Variants in UNC5D observed in about 807,000 individuals in gnomAD.
The protein encoded by UNC5D is netrin receptor UNC5D.
Under a neutral mutation model 105.4 loss-of-function variants are expected in UNC5D, and 39 were observed. That is an observed-to-expected ratio of 0.37 (90% confidence interval 0.29 to 0.48). The LOEUF (loss-of-function observed/expected upper bound fraction) is 0.48. UNC5D is among the 20% of genes least tolerant of loss of function. The pLI is 0.98. For missense variants in UNC5D, 991 were observed against 1,202.4 expected (o/e 0.82, Z 2.60); for synonymous variants, 452 against 450.4 (o/e 1.00, Z -0.04).
chr8:35,667,140 G>A (rs1049138331), intron 4 of UNC5D, among the ~76,000 whole-genome samples: 8 of 151,936 alleles, frequency 5.3e-5, no homozygotes, highest in African/African-American at 1.9e-4. Flanking sequence ...ACATGTATTT[G>A]TTTAATGAAA....
rs766954143 is a variant in UNC5D at position 35,572,890 on chromosome 8, G to A, written c.466+4649G>A. ...GCGATCTGGGCTCACTGCAAGCTCC[G>A]CCTCCAGGGTTCACGCCATTCTCCT... On this transcript the variant is annotated intron_variant, in intron 3 of 16. Transcript: ENST00000404895. 4.6e-4 allele frequency among the ~76,000 whole-genome samples: 69 copies of A among 148,502 alleles called. 1 individual carries two copies. Among genetic ancestry groups the A allele is most frequent in the Non-Finnish European group, 1.5e-4 (10 of 67,580 alleles).
intron 8 of UNC5D, among the ~76,000 whole-genome samples, chr8:35,710,547 T>C (rs1195512681): frequency 6.6e-6 from 1 of 152,014 alleles, no homozygotes; most frequent in Non-Finnish European, 1.5e-5. Flanking sequence ...GCTGGTACCA[T>C]AAATTTGGGG....
At chr8:35,755,234 AT>A (rs1830461158) in intron 13 of UNC5D, among the ~76,000 whole-genome samples, 1 of 151,750 alleles carries the variant, frequency 6.6e-6, no homozygotes, top group African/African-American at 2.4e-5. Flanking sequence ...CTGTTACCCT[AT>A]CTATCTTATC....
At chr8:35,394,664 C>A (rs1291184829) in intron 1 of UNC5D, among the ~76,000 whole-genome samples, 1 of 150,900 alleles carries the variant, frequency 6.6e-6, no homozygotes, top group East Asian at 1.9e-4. Flanking sequence ...CTGTTTAAAG[C>A]AAATATGAAA....
chr8:35,248,885 ATTATATAAATATATAATATATTAT>A (rs1314875386), intron 1 of UNC5D, among the ~76,000 whole-genome samples: 1 of 94,234 alleles, frequency 1.1e-5, no homozygotes, highest in East Asian at 3.1e-4. Context: ...TATATAATAT[ATTATATAAATATATAATATATTAT>A]ATATAAACAT....
At chr8:35,593,742 G>A (rs1197198968) in intron 3 of UNC5D, among the ~76,000 whole-genome samples, 6 of 152,190 alleles carry the variant, frequency 3.9e-5, no homozygotes, top group African/African-American at 7.2e-5. Flanking sequence ...CAGCCTGGGC[G>A]GGAGCAAGGC....
chr8:35,715,168 AAAAG>A (rs1422263673), intron 8 of UNC5D, among the ~76,000 whole-genome samples: 1 of 152,244 alleles, frequency 6.6e-6, no homozygotes, highest in African/African-American at 2.4e-5. Flanking sequence ...ACAAACAAAA[AAAAG>A]AATGAAGTAG....
chr8:35,249,764 C>T (rs1372236031), intron 1 of UNC5D, among the ~76,000 whole-genome samples: 1 of 151,874 alleles, frequency 6.6e-6, no homozygotes, highest in Non-Finnish European at 1.5e-5. Context: ...CATGTTGAAG[C>T]CACCTTGCTG....
chr8:35,721,833 T>G (rs1432851215), intron 8 of UNC5D, among the ~76,000 whole-genome samples: 1 of 152,216 alleles, frequency 6.6e-6, no homozygotes, highest in Non-Finnish European at 1.5e-5. Flanking sequence ...TCACTGTGTG[T>G]GGGTCTGCCC....
intron 11 of UNC5D, among the ~76,000 whole-genome samples, chr8:35,731,399 CAAAAAAAAAAAAA>C (rs57529561): frequency 1.0e-3 from 32 of 30,650 alleles, no homozygotes; most frequent in South Asian, 2.4e-3. Flanking sequence ...ACTCTGTCTC[CAAAAAAAAAAAAA>C]AAAAAAAAAA....
At chr8:35,752,398 GA>G (rs1396418328) in intron 13 of UNC5D, among the ~76,000 whole-genome samples, 1 of 152,020 alleles carries the variant, frequency 6.6e-6, no homozygotes, top group Non-Finnish European at 1.5e-5. Flanking sequence ...TTTACCAGTA[GA>G]AAAAAATATC....
chr8:35,640,461 A>T (rs1387545492), intron 4 of UNC5D, among the ~76,000 whole-genome samples: 1 of 152,162 alleles, frequency 6.6e-6, no homozygotes, highest in African/African-American at 2.4e-5. Context: ...CTTTCTTGAT[A>T]TGATGTTACG....
chr8:35,333,087 C>A (rs948099565), intron 1 of UNC5D, among the ~76,000 whole-genome samples: 7 of 152,122 alleles, frequency 4.6e-5, no homozygotes, highest in Non-Finnish European at 7.4e-5. Flanking sequence ...GTGGTTCATG[C>A]CTGCAGTCCC....
At chr8:35,440,353 G>A (rs751004064) in intron 1 of UNC5D, among the ~76,000 whole-genome samples, 1 of 151,826 alleles carries the variant, frequency 6.6e-6, no homozygotes, top group Non-Finnish European at 1.5e-5. Flanking sequence ...AACTCAGCCC[G>A]GGTGTCTCGG....
chr8:35,651,949 G>A (rs1823432472), intron 4 of UNC5D, among the ~76,000 whole-genome samples: 3 of 152,034 alleles, frequency 2.0e-5, no homozygotes. Context: ...TGTACAAATG[G>A]TGCTTATCTT....
chr8:35,740,744 G>A (rs564434009), intron 11 of UNC5D, among the ~76,000 whole-genome samples: 19 of 152,232 alleles, frequency 1.2e-4, no homozygotes, highest in Non-Finnish European at 2.2e-4. Flanking sequence ...CCAACCATGA[G>A]TAACAGAGTA....
chr8:35,605,370 AC>A (rs1372502674), intron 4 of UNC5D, among the ~76,000 whole-genome samples: 1 of 152,178 alleles, frequency 6.6e-6, no homozygotes, highest in Non-Finnish European at 1.5e-5. Flanking sequence ...ATGTTGGTGA[AC>A]CGCAAATGCT....
chr8:35,425,465 C>T (rs577339827), intron 1 of UNC5D, among the ~76,000 whole-genome samples: 1 of 152,234 alleles, frequency 6.6e-6, no homozygotes, highest in East Asian at 1.9e-4. Flanking sequence ...CTCCGAGACC[C>T]CCACCCCGGT....
chr8:35,358,164 T>C (rs1008735234), intron 1 of UNC5D, among the ~76,000 whole-genome samples: 2 of 152,192 alleles, frequency 1.3e-5, no homozygotes, highest in African/African-American at 4.8e-5. Context: ...CCCAAAGGAA[T>C]ATAATTCATT....
Sources: gnomAD v4.1 joint callset for allele counts (sites outside exome capture counted in the v4.1 genomes callset) on GRCh38, gnomAD v4.1.1 for gene constraint, MANE v1.5 for transcripts, NCBI Gene and HGNC (gene_info 2026-07-23, HGNC 2026-07-21) for gene names.